The following NRXN3 variants were observed in gnomAD, a reference collection of about 807,000 sequenced individuals.
The protein encoded by NRXN3 is neurexin 3, also known as neurexin III.
Under a neutral mutation model 137.6 loss-of-function variants are expected in NRXN3, and 32 were observed. That is an observed-to-expected ratio of 0.23 (90% CI 0.18 to 0.31). The LOEUF (loss-of-function observed/expected upper bound fraction) is 0.31. NRXN3 is among the 10% of genes least tolerant of loss of function. The probability of loss-of-function intolerance (pLI) is 1.00; values close to 1 mark genes in which losing one functional copy is unlikely to be tolerated. For synonymous variants in NRXN3, 798 were observed against 784.5 expected (o/e 1.02, Z -0.29); for missense variants, 1,574 against 2,062.5 (o/e 0.76, Z 4.59).
intron 4 of NRXN3, among the ~76,000 whole-genome samples, chr14:78,580,450 C>G (rs960535472): frequency 2.6e-5 from 4 of 152,164 alleles, no homozygotes; most frequent in African/African-American, 9.7e-5. Context: ...AGTTGGCTCC[C>G]AAGAAGCATT....
chr14:79,085,683 A>C (rs1315036592), intron 15 of NRXN3, among the ~76,000 whole-genome samples: 1 of 152,186 alleles, frequency 6.6e-6, no homozygotes, highest in South Asian at 2.1e-4. Context: ...GGAAGCACAA[A>C]AAATAGGGAA....
At chr14:78,229,912 A>G (rs1381212947) in intron 1 of NRXN3, among the ~76,000 whole-genome samples, 1 of 152,184 alleles carries the variant, frequency 6.6e-6, no homozygotes, top group Non-Finnish European at 1.5e-5. Context: ...GGATGTTGCA[A>G]CAGATGGGCT....
chr14:78,288,161 G>T (rs1346605936), intron 3 of NRXN3, among the ~76,000 whole-genome samples: 1 of 152,118 alleles, frequency 6.6e-6, no homozygotes, highest in African/African-American at 2.4e-5. Context: ...CGTATTTTTA[G>T]TAGAGACAGT....
intron 10 of NRXN3, among the ~76,000 whole-genome samples, chr14:78,924,358 A>G (rs926086225): frequency 6.6e-6 from 1 of 152,212 alleles, no homozygotes; most frequent in South Asian, 2.1e-4. Context: ...ATAACACCCA[A>G]ACAACCATGT....
chr14:79,105,685 A>G (rs1568304029), intron 15 of NRXN3, among the ~76,000 whole-genome samples: 1 of 152,110 alleles, frequency 6.6e-6, no homozygotes, highest in East Asian at 1.9e-4. Flanking sequence ...AAAGTCTGCT[A>G]AACGGCTAAA....
chr14:78,914,765 C>T (rs1382801490), intron 10 of NRXN3, among the ~76,000 whole-genome samples: 1 of 152,078 alleles, frequency 6.6e-6, no homozygotes, highest in East Asian at 1.9e-4. Context: ...TCAGGAATAA[C>T]TGGGAAGAAG....
chr14:78,958,429 C>T (rs1375995565), intron 11 of NRXN3, among the ~76,000 whole-genome samples: 1 of 151,202 alleles, frequency 6.6e-6, no homozygotes, highest in East Asian at 2.0e-4. Flanking sequence ...GATCTTGGCT[C>T]ACTGCAAGCT....
rs185896088 is a variant in NRXN3, at chr14:78,280,916, G to A, written c.727+2254G>A. ...GTTATCCCTCTGAGGTGTGTAGCCC[G>A]AGTGTCATTTCAGTGTTGAGGAAGT... On this transcript the variant is annotated intron_variant, in intron 3 of 20. Transcript: ENST00000335750. 1.7e-3 allele frequency among the ~76,000 whole-genome samples: 257 copies of A among 152,232 alleles called. 1 individual carries two copies. Among genetic ancestry groups the A allele is most frequent in the Middle Eastern group, 3.4e-3 (1 of 294 alleles).
intron 4 of NRXN3, among the ~76,000 whole-genome samples, chr14:78,338,195 C>T (rs748780702): frequency 9.9e-5 from 15 of 152,138 alleles, no homozygotes; most frequent in Non-Finnish European, 1.8e-4. Context: ...TGTAACATTT[C>T]CCTCAAAGCA....
chr14:78,388,735 CA>C (rs2090343331), intron 4 of NRXN3, among the ~76,000 whole-genome samples: 1 of 151,990 alleles, frequency 6.6e-6, no homozygotes, highest in Non-Finnish European at 1.5e-5. Flanking sequence ...AACAGAAGTA[CA>C]AAGGAAGTAA....
At chr14:78,967,879 A>G (rs2099424073) in intron 13 of NRXN3, among the ~76,000 whole-genome samples, 1 of 152,218 alleles carries the variant, frequency 6.6e-6, no homozygotes, top group Non-Finnish European at 1.5e-5. Flanking sequence ...TAACAAGCAC[A>G]TAAAAAGCAC....
intron 15 of NRXN3, among the ~76,000 whole-genome samples, chr14:79,093,117 G>T (rs527589271): frequency 1.8e-4 from 28 of 152,248 alleles, no homozygotes; most frequent in South Asian, 4.1e-4. Flanking sequence ...TCCATTCATT[G>T]TCAAAGGATA....
At chr14:78,571,888 A>C (rs1419902807) in intron 4 of NRXN3, among the ~76,000 whole-genome samples, 1 of 152,144 alleles carries the variant, frequency 6.6e-6, no homozygotes, top group African/African-American at 2.4e-5. Context: ...TTACCTCCTG[A>C]ACCCTGTGAT....
chr14:79,566,001 T>G (rs2097547533), intron 16 of NRXN3, among the ~76,000 whole-genome samples: 1 of 151,726 alleles, frequency 6.6e-6, no homozygotes, highest in Non-Finnish European at 1.5e-5. Context: ...CATGGATTAT[T>G]TTCCCCCACT....
intron 8 of NRXN3, among the ~76,000 whole-genome samples, chr14:78,760,032 G>GTTT (rs1453084587): frequency 8.1e-6 from 1 of 123,828 alleles, no homozygotes; most frequent in African/African-American, 3.7e-5. Flanking sequence ...AGAGCCTGCA[G>GTTT]TCTTTTTTTT....
At chr14:78,709,759 G>A in intron 7 of NRXN3, 104 bp downstream of exon 7, 1 of 1,024,922 alleles carries the variant, frequency 9.8e-7, no homozygotes, top group Non-Finnish European at 1.4e-6. Context: ...CATGCTTGTT[G>A]ATTCTTTTGC....
intron 19 of NRXN3, among the ~76,000 whole-genome samples, chr14:79,787,593 C>T (rs553095569): frequency 2.0e-5 from 3 of 152,300 alleles, no homozygotes; most frequent in South Asian, 4.1e-4. Flanking sequence ...ACTCTACTCT[C>T]TATTTCTGTG....
At chr14:78,485,440 AAC>A (rs1298772850) in intron 4 of NRXN3, among the ~76,000 whole-genome samples, 5 of 152,206 alleles carry the variant, frequency 3.3e-5, no homozygotes, top group Non-Finnish European at 5.9e-5. Flanking sequence ...GACTACAATA[AAC>A]ACACACTAAT....
intron 15 of NRXN3, among the ~76,000 whole-genome samples, chr14:79,437,362 G>T (rs373927413): frequency 1.3e-5 from 2 of 151,098 alleles, no homozygotes; most frequent in Admixed American, 1.3e-4. Context: ...TTTTTTCCCC[G>T]GGCTATTTTG....
Sources: gnomAD v4.1 joint callset for allele counts (sites outside exome capture counted in the v4.1 genomes callset) on GRCh38, gnomAD v4.1.1 for gene constraint, MANE v1.5 for transcripts, NCBI Gene and HGNC (gene_info 2026-07-23, HGNC 2026-07-21) for gene names.